The following LVRN variants were observed in gnomAD, a reference collection of about 807,000 sequenced individuals.
The protein encoded by LVRN is aminopeptidase Q.
LVRN carries 99 observed loss-of-function variants against 111.4 expected under a neutral mutation model. The ratio of observed to expected loss-of-function variants is 0.89; its 90% confidence interval spans 0.76 to 1.05. The LOEUF is 1.05. Ranked by LOEUF, LVRN falls within the 50% of genes least tolerant of loss-of-function variation. The pLI is 0.00. For missense variants in LVRN, 1,414 were observed against 1,206.8 expected, an observed-to-expected ratio of 1.17 and a Z score of -2.54; for synonymous variants, 488 against 449.5, an observed-to-expected ratio of 1.09 and a Z score of -1.08.
intron 13 of LVRN, among the ~76,000 whole-genome samples, chr5:116,009,863 A>T (rs1290446125): frequency 6.6e-6 from 1 of 152,202 alleles, no homozygotes; most frequent in Non-Finnish European, 1.5e-5. Flanking sequence ...ATGACAACAA[A>T]GGATTGAGAA....
rs77885770 is a variant in LVRN at position 116,000,982 on chromosome 5, G to C, written c.1648-85G>C. 1,972 of 1,434,152 alleles carry C rather than the reference G, an allele frequency of 1.4e-3. 19 individuals carry two copies. The African/African-American group carries it at 0.024, about 18-fold the overall frequency. 88.8% of individuals were successfully genotyped at this position (1,434,152 alleles called of 1,614,324 possible). On this transcript the variant is annotated intron_variant, in intron 9 of 19. Transcript: ENST00000357872. Reference sequence around the variant, plus strand: ...TACTACATAAGTGAGGAAGAGAATAGCTACCGAGTTTCTTTTTGGAGATTG... The same window carrying C: ...TACTACATAAGTGAGGAAGAGAATACCTACCGAGTTTCTTTTTGGAGATTG...
rs764385281 is a variant in LVRN, at chr5:115,962,719, C to G, written c.102C>G (p.Ala34=). The G allele has an allele frequency of 6.2e-7, 1 of 1,612,016 alleles. No individual in the cohort carries two copies. Among genetic ancestry groups the G allele is most frequent in the South Asian group, 1.1e-5 (1 of 91,032 alleles). The change falls in exon 1 of 20, where the codon GCC becomes GCG. Residue 34 remains alanine, a synonymous_variant. Transcript: ENST00000357872. ...TCCTGCTGGCGCTGGCCGTACTCGC[C>G]GCCTTGTACGGCCACTGCGAGCGCG... is the stretch of plus-strand genomic sequence containing the variant. ...AALLLALAVL[A]ALYGHCERVP...
rs181126653 is a variant in LVRN, at chr5:116,001,373, G to T, written c.1820+134G>T. ...TTCTGCAATGTGACTGTGTACTAGG[G>T]TGAAGCAGAGCCCTTGTGTCCGGGC... On this transcript the variant is annotated intron_variant, in intron 10 of 19. Coordinates refer to ENST00000357872, the MANE Select transcript of LVRN (RefSeq NM_173800.5). 1.1e-4 allele frequency: 111 copies of T among 1,037,876 alleles called. 1 individual carries two copies. The Admixed American group carries it at 2.3e-3, about 22-fold the overall frequency. 64.3% of individuals were successfully genotyped at this position (1,037,876 alleles called of 1,614,324 possible). A position where few individuals can be genotyped will look rare whatever the true frequency, so the allele number is the denominator to read the frequency against.
intron 6 of LVRN, 22 bp downstream of exon 6, chr5:115,993,876 A>G: frequency 7.1e-7 from 1 of 1,413,596 alleles, no homozygotes; most frequent in Non-Finnish European, 9.7e-7. Context: ...TACTAAGTTT[A>G]TTTAACATTT....
At chr5:116,009,205 C>A (rs1748437960) in intron 13 of LVRN, among the ~76,000 whole-genome samples, 1 of 152,110 alleles carries the variant, frequency 6.6e-6, no homozygotes, top group South Asian at 2.1e-4. Context: ...GACAGCACAT[C>A]TGTTTACAGT....
intron 1 of LVRN, among the ~76,000 whole-genome samples, chr5:115,981,279 T>A (rs903919959): frequency 3.3e-5 from 5 of 152,214 alleles, no homozygotes; most frequent in African/African-American, 1.2e-4. Flanking sequence ...CAAATACTTA[T>A]ACAATTGCTA....
Position 115,962,781 on chromosome 5 carries a change from A to T in LVRN, c.164A>T (p.Glu55Val), listed in dbSNP as rs764894632. The T allele has an allele frequency of 1.2e-6, 2 of 1,610,848 alleles. No individual in the cohort carries two copies. Among genetic ancestry groups the T allele is most frequent in the Non-Finnish European group, 8.5e-7 (1 of 1,178,458 alleles). ...GAGCTGCCTGGACTCAGGGACTTGG[A>T]AGCCGAGTCTTCCCCTCCCCTCAGG... is the stretch of plus-strand genomic sequence containing the variant. ...PSELPGLRDLEAESSPPLRQK... is the reference protein window; with the variant it reads ...PSELPGLRDLVAESSPPLRQK... The change falls in exon 1 of 20, where the codon GAA (glutamate) becomes GTA (valine). Residue 55 changes from glutamate to valine, a missense_variant. Physicochemically the swap from Glu to Val is moderately radical, Grantham distance 121. Coordinates refer to ENST00000357872, the MANE Select transcript of LVRN (RefSeq NM_173800.5).
intron 1 of LVRN, among the ~76,000 whole-genome samples, chr5:115,970,418 C>G (rs1753297975): frequency 7.1e-6 from 1 of 141,032 alleles, no homozygotes; most frequent in South Asian, 2.2e-4. Flanking sequence ...GAGTCTTGCT[C>G]TGTCACCAGG....
In LVRN at chr5:115,983,433, A is replaced by T. The variant is rs965953184; in HGVS notation, c.838+4A>T. On this transcript the variant is annotated splice_donor_region_variant and intron_variant, in intron 2 of 19. Coordinates refer to ENST00000357872, the MANE Select transcript of LVRN (RefSeq NM_173800.5). ...CTTTCCAACATGCCAAAGCTAGGTAAGTAATGCTTTCTGTCTATATCTAGC... is the reference window on the plus strand; with the variant it reads ...CTTTCCAACATGCCAAAGCTAGGTATGTAATGCTTTCTGTCTATATCTAGC... 2 of 1,592,874 alleles carry T rather than the reference A, an allele frequency of 1.3e-6. No homozygotes were observed. The highest frequency in any genetic ancestry group is 1.7e-6 in the Non-Finnish European group (2 of 1,173,258).
In LVRN at chr5:115,992,202, G is replaced by A. The variant is rs1748008882; in HGVS notation, c.1185G>A (p.Leu395=). 3 of 1,613,822 alleles carry A rather than the reference G, an allele frequency of 1.9e-6. No individual in the cohort carries two copies. The highest frequency in any genetic ancestry group is 2.7e-5 in the African/African-American group (2 of 74,916). ...TGATATTTGATGAATCAGGATTGTT[G>A]TTGGAACCAAAAGATCAACTGACAG... ...GLMIFDESGL[L]LEPKDQLTEK... is the part of the protein sequence containing the mutation. Residue 395 remains leucine, a synonymous_variant, in exon 5 of 20, where the codon TTG becomes TTA. Transcript: ENST00000357872.
At chr5:115,963,802 T>C (rs1753144332) in intron 1 of LVRN, among the ~76,000 whole-genome samples, 1 of 152,232 alleles carries the variant, frequency 6.6e-6, no homozygotes, top group Admixed American at 6.5e-5. Flanking sequence ...GTCCTTCCTC[T>C]GGCCAGTTTT....
At position 116,026,330 on chromosome 5, in the gene LVRN, G is replaced by A. The variant is rs1748866729; in HGVS notation, c.*212G>A. 3.4e-6 allele frequency: 2 copies of A among 595,520 alleles called. No individual in the cohort carries two copies. The highest frequency in any genetic ancestry group is 2.1e-5 in the South Asian group (1 of 48,386). The allele number at this position is 595,520 out of a possible 1,614,324, so 36.9% of individuals were successfully genotyped here. On this transcript the variant is annotated 3_prime_UTR_variant, in exon 20 of 20. Transcript: ENST00000357872. ...TTTTGCCAATGCTGCTGTATTTCTG[G>A]GAAAGATGTCACTTCATGTTGGGTT...
chr5:115,972,432 A>G lies in LVRN; in HGVS notation c.695+9120A>G, dbSNP rs187746201. Among the ~76,000 whole-genome samples the G allele has an allele frequency of 2.4e-3, 360 of 151,514 alleles. 4 individuals are homozygous for G. The highest frequency in any genetic ancestry group is 7.8e-3 in the African/African-American group (323 of 41,284). On this transcript the variant is annotated intron_variant, in intron 1 of 19. Coordinates refer to ENST00000357872, the MANE Select transcript of LVRN (RefSeq NM_173800.5). The stretch of plus-strand genomic sequence containing the variant: ...ATTAATTTTTGCTTGTTGATCTTGT[A>G]TGCTACAACTTTGCTAAATCACTTC...
chr5:115,985,301 T>C (rs1372273633), intron 3 of LVRN, among the ~76,000 whole-genome samples: 1 of 152,118 alleles, frequency 6.6e-6, no homozygotes, highest in Non-Finnish European at 1.5e-5. Context: ...TCTAGTTTGT[T>C]GGTTTGGAAT....
intron 18 of LVRN, chr5:116,021,767 T>C (rs902804682): frequency 6.8e-6 from 3 of 443,266 alleles, no homozygotes; most frequent in African/African-American, 6.1e-5. Context: ...GTGTCTGCTG[T>C]TTTTTCATAG....
At chr5:115,978,670 C>T (rs950544204) in intron 1 of LVRN, among the ~76,000 whole-genome samples, 5 of 152,180 alleles carry the variant, frequency 3.3e-5, no homozygotes, top group African/African-American at 4.8e-5. Flanking sequence ...TCCCATCTTC[C>T]ACTCCCTACT....
rs570396057 is a variant in LVRN at position 115,977,924 on chromosome 5, ATATT to A, written c.696-5360_696-5357del. 6.6e-5 allele frequency among the ~76,000 whole-genome samples: 10 copies of A among 152,374 alleles called. No individual in the cohort carries two copies. In the South Asian group the frequency reaches 1.9e-3, roughly 28 times the overall value. The stretch of plus-strand genomic sequence containing the variant: ...ATTAAAGAAAAGAAGGAACTGAAAG[ATATT>A]TAAAGAAATGAAAATAGAAAGATCA... On this transcript the variant is annotated intron_variant, in intron 1 of 19. Coordinates refer to ENST00000357872, the MANE Select transcript of LVRN (RefSeq NM_173800.5).
At chr5:115,979,957 T>G (rs954924800) in intron 1 of LVRN, among the ~76,000 whole-genome samples, 3 of 152,076 alleles carry the variant, frequency 2.0e-5, no homozygotes, top group Non-Finnish European at 2.9e-5. Flanking sequence ...TCTCCAAGGG[T>G]GTCATGTGGT....
At chr5:115,970,224 T>G (rs1197381795) in intron 1 of LVRN, among the ~76,000 whole-genome samples, 2 of 152,178 alleles carry the variant, frequency 1.3e-5, no homozygotes, top group African/African-American at 4.8e-5. Context: ...TTATAATCTC[T>G]CCTTTCTACA....
Sources: gnomAD v4.1 joint callset for allele counts (sites outside exome capture counted in the v4.1 genomes callset) on GRCh38, gnomAD v4.1.1 for gene constraint, MANE v1.5 for transcripts, NCBI Gene and HGNC (gene_info 2026-07-23, HGNC 2026-07-21) for gene names.